Variants in NLGN1 observed in about 807,000 individuals in gnomAD.
NLGN1 encodes the protein neuroligin 1.
A neutral mutation model predicts 65.5 loss-of-function variants in NLGN1; 12 were observed. That is an observed-to-expected ratio of 0.18 (90% confidence interval 0.12 to 0.30). The LOEUF is 0.30. NLGN1 is among the 10% of genes least tolerant of loss of function. The pLI, the probability that NLGN1 is intolerant of heterozygous loss-of-function variation, is 1.00. For missense variants in NLGN1, 750 were observed against 1,007.1 expected, an observed-to-expected ratio of 0.74 and a Z score of 3.46; for synonymous variants, 350 against 359.5, an observed-to-expected ratio of 0.97 and a Z score of 0.30.
At chr3:174,230,907 T>C (rs1740584459) in intron 4 of NLGN1, among the ~76,000 whole-genome samples, 1 of 152,200 alleles carries the variant, frequency 6.6e-6, no homozygotes, top group African/African-American at 2.4e-5. Context: ...GTTTTCTTGT[T>C]TTGTTCAAAT....
intron 4 of NLGN1, among the ~76,000 whole-genome samples, chr3:173,939,569 A>G (rs778770327): frequency 1.7e-4 from 26 of 152,320 alleles, no homozygotes; most frequent in Admixed American, 3.3e-4. Context: ...GACAGTCTGT[A>G]TATGTGTGAT....
chr3:174,227,426 A>G (rs1739920674), intron 4 of NLGN1, among the ~76,000 whole-genome samples: 1 of 152,132 alleles, frequency 6.6e-6, no homozygotes. Context: ...GAGGTTGTAA[A>G]AAAGTTACAG....
At chr3:173,979,924 A>T (rs114194180) in intron 4 of NLGN1, among the ~76,000 whole-genome samples, 1,539 of 152,168 alleles carry the variant, frequency 0.01, 26 homozygotes, top group African/African-American at 0.035. Flanking sequence ...GCACCTTATC[A>T]ATAACTGTAT....
At chr3:174,166,006 T>C (rs982751305) in intron 4 of NLGN1, among the ~76,000 whole-genome samples, 26 of 152,126 alleles carry the variant, frequency 1.7e-4, no homozygotes, top group Non-Finnish European at 2.9e-5. Context: ...ATATTCTCTA[T>C]GAATCTTTTG....
At chr3:173,606,490 A>T (rs961748056) in intron 3 of NLGN1, among the ~76,000 whole-genome samples, 1 of 152,018 alleles carries the variant, frequency 6.6e-6, no homozygotes, top group African/African-American at 2.4e-5. Flanking sequence ...TTCATACAGA[A>T]GTCATATTAA....
chr3:173,489,834 A>C (rs868216130), intron 2 of NLGN1, among the ~76,000 whole-genome samples: 2 of 152,078 alleles, frequency 1.3e-5, no homozygotes, highest in Admixed American at 6.5e-5. Flanking sequence ...TCTGATGGCC[A>C]GTGATGATGA....
intron 4 of NLGN1, among the ~76,000 whole-genome samples, chr3:173,931,937 G>C (rs992908317): frequency 6.6e-6 from 1 of 152,100 alleles, no homozygotes; most frequent in Non-Finnish European, 1.5e-5. Context: ...TCACAGTTTG[G>C]ATGAGAGATG....
intron 4 of NLGN1, among the ~76,000 whole-genome samples, chr3:174,246,375 C>T (rs935257824): frequency 6.6e-6 from 1 of 152,126 alleles, no homozygotes; most frequent in Non-Finnish European, 1.5e-5. Context: ...GAAGAATAGA[C>T]AAGGCCATTA....
chr3:173,506,190 T>C (rs1332827577), intron 2 of NLGN1, among the ~76,000 whole-genome samples: 1 of 152,016 alleles, frequency 6.6e-6, no homozygotes, highest in Non-Finnish European at 1.5e-5. Flanking sequence ...CTTGAAAACA[T>C]ACTTACGAGA....
chr3:173,754,406 G>A (rs527286428), intron 3 of NLGN1, among the ~76,000 whole-genome samples: 1 of 152,112 alleles, frequency 6.6e-6, no homozygotes, highest in South Asian at 2.1e-4. Flanking sequence ...ACATGAAATT[G>A]CAATGCCCAT....
chr3:173,883,761 C>T (rs142188871), intron 4 of NLGN1, among the ~76,000 whole-genome samples: 1,748 of 150,786 alleles, frequency 0.012, 13 homozygotes, highest in Middle Eastern at 0.031. Flanking sequence ...GTATCATGGG[C>T]CATGATACTT....
At chr3:174,043,071 A>C (rs779337206) in intron 4 of NLGN1, among the ~76,000 whole-genome samples, 3 of 152,188 alleles carry the variant, frequency 2.0e-5, no homozygotes, top group Non-Finnish European at 4.4e-5. Context: ...GAAATGCCAG[A>C]TGTTTATAAA....
intron 3 of NLGN1, among the ~76,000 whole-genome samples, chr3:173,645,334 G>A (rs1758077837): frequency 6.6e-6 from 1 of 152,232 alleles, no homozygotes; most frequent in Non-Finnish European, 1.5e-5. Context: ...GGCCCCCGTA[G>A]TGCTGGATTC....
intron 2 of NLGN1, among the ~76,000 whole-genome samples, chr3:173,565,764 ATT>A (rs1743550872): frequency 6.6e-6 from 1 of 152,196 alleles, no homozygotes; most frequent in Non-Finnish European, 1.5e-5. Context: ...AGACAGAAAT[ATT>A]CTGAGACCTG....
chr3:173,632,450 TA>T (rs1212083826), intron 3 of NLGN1, among the ~76,000 whole-genome samples: 8 of 152,184 alleles, frequency 5.3e-5, no homozygotes, highest in Non-Finnish European at 1.2e-4. Flanking sequence ...AAGATGCCTG[TA>T]GTCACTGGGA....
chr3:174,123,369 A>C (rs776381736), intron 4 of NLGN1, among the ~76,000 whole-genome samples: 1 of 152,012 alleles, frequency 6.6e-6, no homozygotes, highest in Non-Finnish European at 1.5e-5. Context: ...CTGGGAGTTC[A>C]TCAATGTTGA....
At chr3:174,160,989 T>C (rs1272237990) in intron 4 of NLGN1, among the ~76,000 whole-genome samples, 2 of 151,832 alleles carry the variant, frequency 1.3e-5, no homozygotes, top group African/African-American at 4.8e-5. Flanking sequence ...CTCCATGTTT[T>C]CAATTATATT....
At chr3:173,398,355 C>T (rs1216533713), upstream of NLGN1, 2 of 152,202 alleles carry the variant, frequency 1.3e-5, no homozygotes, top group Non-Finnish European at 2.9e-5. Context: ...CAAGATGTCA[C>T]TCCCTAGATC....
intron 3 of NLGN1, among the ~76,000 whole-genome samples, chr3:173,653,109 AATTT>A (rs1485329836): frequency 1.3e-5 from 2 of 152,144 alleles, no homozygotes; most frequent in African/African-American, 2.4e-5. Flanking sequence ...AACTTCACTG[AATTT>A]ATTTATCAAA....
Sources: allele counts gnomAD v4.1 joint callset (sites outside exome capture counted in the v4.1 genomes callset), GRCh38; gene constraint gnomAD v4.1.1; transcripts MANE v1.5; gene names NCBI Gene and HGNC (gene_info 2026-07-23, HGNC 2026-07-21).